The following ATP11A variants were observed in gnomAD, a reference collection of about 807,000 sequenced individuals.
The protein encoded by ATP11A is ATPase phospholipid transporting 11A, also known as phospholipid-transporting ATPase IH.
ATP11A carries 81 observed loss-of-function variants against 154.4 expected under a neutral mutation model. That is an observed-to-expected ratio of 0.52 (90% CI 0.44 to 0.63). The LOEUF (loss-of-function observed/expected upper bound fraction) is 0.63, where lower values mean the gene tolerates loss of function less well. Among genes scored for constraint, ATP11A ranks in the 30% least tolerant of loss-of-function variants. ATP11A has a pLI of 0.00. For synonymous variants in ATP11A, 623 were observed against 585.9 expected (o/e 1.06, Z -0.91); for missense variants, 1,316 against 1,474.3 (o/e 0.89, Z 1.76).
chr13:112,848,331 C>G (rs2079664074), intron 17 of ATP11A, among the ~76,000 whole-genome samples: 1 of 152,120 alleles, frequency 6.6e-6, no homozygotes, highest in Non-Finnish European at 1.5e-5. Context: ...GTTGATGCTA[C>G]TGAAGTGGAA....
intron 28 of ATP11A, 40 bp from the exon 29 acceptor site, chr13:112,878,177 A>C: frequency 6.3e-7 from 1 of 1,580,198 alleles, no homozygotes; most frequent in Non-Finnish European, 8.7e-7. Context: ...CACCTTGTTC[A>C]CACACCCCTG....
chr13:112,882,629 C>T lies in ATP11A; in HGVS notation c.*763C>T, dbSNP rs61740315. The T allele has an allele frequency of 4.7e-3, 1,897 of 401,484 alleles. 8 individuals are homozygous for T. The highest frequency in any genetic ancestry group is 6.7e-3 in the Non-Finnish European group (1,531 of 228,440). 24.9% of individuals were successfully genotyped at this position (401,484 alleles called of 1,614,324 possible). ...TTGGGGCTGGCTGAGTTTCGGTCTC[C>T]CCATCACCGGCCGCCTCGTGGAGAA... On this transcript the variant is annotated 3_prime_UTR_variant, in exon 30 of 30. Transcript: ENST00000375645. The surrounding 1 kb of genome is among the most constrained non-coding windows in gnomAD (Gnocchi z 5.1).
At chr13:112,849,701 G>T (rs2079707712) in intron 17 of ATP11A, among the ~76,000 whole-genome samples, 1 of 152,206 alleles carries the variant, frequency 6.6e-6, no homozygotes, top group Non-Finnish European at 1.5e-5. Context: ...AGCAAACGTT[G>T]TTGAGTTTTG....
chr13:112,739,985 G>A lies in ATP11A; in HGVS notation c.40-45150G>A, dbSNP rs536143936. ...GCAGGGGCTGGGGGAGGGGGCGTGGGAGCGACTGTAGGTCTTGTGCCTTCT... is the reference window on the plus strand; with the variant it reads ...GCAGGGGCTGGGGGAGGGGGCGTGGAAGCGACTGTAGGTCTTGTGCCTTCT... On this transcript the variant is annotated intron_variant, in intron 1 of 29. Coordinates refer to ENST00000375645, the MANE Select transcript of ATP11A (RefSeq NM_015205.3). 5.3e-4 allele frequency among the ~76,000 whole-genome samples: 81 copies of A among 152,126 alleles called. 1 individual carries two copies. Among genetic ancestry groups the A allele is most frequent in the African/African-American group, 1.9e-3 (80 of 41,496 alleles).
intron 1 of ATP11A, among the ~76,000 whole-genome samples, chr13:112,700,694 C>G (rs530545960): frequency 6.6e-6 from 1 of 152,362 alleles, no homozygotes; most frequent in South Asian, 2.1e-4. Flanking sequence ...GTCCCCTTCA[C>G]TCGCAGAAGC....
intron 18 of ATP11A, among the ~76,000 whole-genome samples, chr13:112,854,025 C>T (rs756452121): frequency 1.3e-5 from 2 of 152,174 alleles, no homozygotes; most frequent in African/African-American, 2.4e-5. Context: ...CACAAGACAG[C>T]CCTTTACTTC....
intron 1 of ATP11A, among the ~76,000 whole-genome samples, chr13:112,780,497 G>A (rs764795782): frequency 1.2e-4 from 18 of 152,172 alleles, no homozygotes; most frequent in Non-Finnish European, 1.6e-4. Context: ...GGGTGTCGGC[G>A]CTTCCTTCCT....
chr13:112,795,079 A>G (rs906090980), intron 2 of ATP11A, among the ~76,000 whole-genome samples: 1 of 151,736 alleles, frequency 6.6e-6, no homozygotes, highest in African/African-American at 2.4e-5. Flanking sequence ...TCCCGTCTCT[A>G]TTAAAAATAC....
intron 15 of ATP11A, among the ~76,000 whole-genome samples, chr13:112,835,637 C>T (rs925414432): frequency 2.6e-5 from 4 of 152,232 alleles, no homozygotes; most frequent in Non-Finnish European, 4.4e-5. Flanking sequence ...TCCGCAGCTT[C>T]CCACTGAGTC....
chr13:112,806,785 G>A lies in ATP11A; in HGVS notation c.333+492G>A, dbSNP rs372754459. ...TATCACCCCCAGATTCCCTGTACAC[G>A]TGTTCAGTCCCTCCCCATTTTCTCC... On this transcript the variant is annotated intron_variant, in intron 4 of 29. Transcript: ENST00000375645. Among the ~76,000 whole-genome samples the A allele has an allele frequency of 5.3e-5, 8 of 151,868 alleles. No individual in the cohort carries two copies. In the East Asian group the frequency reaches 9.6e-4, roughly 18 times the overall value.
intron 1 of ATP11A, among the ~76,000 whole-genome samples, chr13:112,728,814 G>A (rs546562461): frequency 1.3e-4 from 20 of 152,228 alleles, no homozygotes; most frequent in Non-Finnish European, 2.9e-4. Context: ...TATAGTTATG[G>A]ACTGATTGGA....
intron 21 of ATP11A, 98 bp from the exon 22 acceptor site, chr13:112,858,047 G>A: frequency 6.4e-7 from 1 of 1,574,686 alleles, no homozygotes; most frequent in East Asian, 2.3e-5. Flanking sequence ...TGACCGGGAA[G>A]GCTCATGATG....
intron 1 of ATP11A, among the ~76,000 whole-genome samples, chr13:112,762,501 G>A (rs1037911005): frequency 3.9e-5 from 6 of 152,070 alleles, no homozygotes; most frequent in East Asian, 1.9e-4. Context: ...CTTCAGTCCC[G>A]GCCGTGGTTC....
At chr13:112,743,449 G>T (rs1891760752) in intron 1 of ATP11A, among the ~76,000 whole-genome samples, 1 of 147,738 alleles carries the variant, frequency 6.8e-6, no homozygotes, top group African/African-American at 2.7e-5. Flanking sequence ...GGTGTTGTAG[G>T]TTCCTGCTAC....
chr13:112,711,576 G>T (rs976172671), intron 1 of ATP11A, among the ~76,000 whole-genome samples: 1 of 152,062 alleles, frequency 6.6e-6, no homozygotes, highest in African/African-American at 2.4e-5. Flanking sequence ...ATCCACCAGG[G>T]GTCAGGAGTC....
chr13:112,761,330 G>A (rs1056548388), intron 1 of ATP11A, among the ~76,000 whole-genome samples: 1 of 152,210 alleles, frequency 6.6e-6, no homozygotes, highest in Non-Finnish European at 1.5e-5. Context: ...GGTACGCTCA[G>A]CAATCTCAGG....
chr13:112,828,467 G>A (rs1330576802), intron 12 of ATP11A, among the ~76,000 whole-genome samples: 3 of 146,312 alleles, frequency 2.1e-5, no homozygotes, highest in Non-Finnish European at 3.0e-5. Flanking sequence ...GTGGGAAAGC[G>A]CCCAGAAGTG....
rs747989233 is a variant in ATP11A, at chr13:112,832,988, G to A, written c.1524G>A (p.Ser508=). ...AATCCTGTGTGTACATCTCATCCTC[G>A]CCCGACGAGGTGGCGCTGGTCGAAG... ...GGKSCVYISS[S]PDEVALVEGV... Residue 508 remains serine, a synonymous_variant, in exon 14 of 30, where the codon TCG becomes TCA. Coordinates refer to ENST00000375645, the MANE Select transcript of ATP11A (RefSeq NM_015205.3). 5 of 1,613,284 alleles carry A rather than the reference G, an allele frequency of 3.1e-6. No individual in the cohort carries two copies. Among genetic ancestry groups the A allele is most frequent in the Admixed American group, 1.7e-5 (1 of 59,988 alleles).
chr13:112,854,154 G>A (rs1171614352), intron 18 of ATP11A, 125 bp from the exon 19 acceptor site: 19 of 1,266,294 alleles, frequency 1.5e-5, no homozygotes, highest in Non-Finnish European at 2.1e-5. Context: ...GCCACAGTGT[G>A]GAGTGTTTTG....
Sources: gnomAD v4.1 joint callset for allele counts (sites outside exome capture counted in the v4.1 genomes callset) on GRCh38, gnomAD v4.1.1 for gene constraint, Gnocchi (gnomAD v3.1) non-coding constraint, MANE v1.5 for transcripts, NCBI Gene and HGNC (gene_info 2026-07-23, HGNC 2026-07-21) for gene names.